The following AGO2 variants were observed in gnomAD, a reference collection of about 807,000 sequenced individuals.
The protein encoded by AGO2 is protein argonaute-2.
A neutral mutation model predicts 102.3 loss-of-function variants in AGO2; 5 were observed. The ratio of observed to expected loss-of-function variants is 0.05; its 90% CI spans 0.03 to 0.10. The LOEUF is 0.10. AGO2 is among the 10% of genes least tolerant of loss of function. AGO2 has a pLI of 1.00. For synonymous variants in AGO2, 449 were observed against 473.1 expected (o/e 0.95, Z 0.66); for missense variants, 541 against 1,183.7 (o/e 0.46, Z 7.97).
intron 1 of AGO2, among the ~76,000 whole-genome samples, chr8:140,600,965 A>C (rs938726): frequency 0.73 from 110,626 of 151,928 alleles, 41,360 homozygotes; most frequent in Non-Finnish European, 0.81. Flanking sequence ...ATTGTGTCTA[A>C]ATCTGTCCAC....
chr8:140,597,467 CCCCCCCA>C (rs1238733421), intron 1 of AGO2, among the ~76,000 whole-genome samples: 352 of 14,854 alleles, frequency 0.024, 18 homozygotes, highest in Middle Eastern at 0.13. Flanking sequence ...GGCTGGGTGG[CCCCCCCA>C]CCCCCCCCCC....
rs537868439 is a variant in AGO2 at position 140,634,566 on chromosome 8, A to C, written c.22+919T>G. 3.9e-5 allele frequency among the ~76,000 whole-genome samples: 6 copies of C among 152,340 alleles called. No homozygotes were observed. The South Asian group carries it at 1.2e-3, about 32-fold the overall frequency. ...GAACACCTGACCGTTTTTTTGGCCC[A>C]CCAAGGAGACCGCCTTCTACTCTGC... On this transcript the variant is annotated intron_variant, in intron 1 of 18. Transcript: ENST00000220592.
intron 7 of AGO2, among the ~76,000 whole-genome samples, chr8:140,558,044 G>A (rs1331452091): frequency 6.6e-6 from 1 of 152,196 alleles, no homozygotes; most frequent in East Asian, 1.9e-4. Flanking sequence ...AGAAACACCA[G>A]TACAACCCAG....
At chr8:140,534,679 T>TAGCAAATCCTCAAACTCTAGGG (rs1214424120) in intron 17 of AGO2, among the ~76,000 whole-genome samples, 1 of 152,228 alleles carries the variant, frequency 6.6e-6, no homozygotes, top group Non-Finnish European at 1.5e-5. Context: ...ACAAAGTTCA[T>TAGCAAATCCTCAAACTCTAGGG]AGCAAATCCT....
chr8:140,613,236 C>A (rs966855007), intron 1 of AGO2, among the ~76,000 whole-genome samples: 1 of 152,074 alleles, frequency 6.6e-6, no homozygotes, highest in Non-Finnish European at 1.5e-5. Flanking sequence ...AAAACCCCAA[C>A]ATATCCCTGT....
intron 3 of AGO2, chr8:140,572,244 A>C (rs1228943399): frequency 2.6e-5 from 4 of 152,244 alleles, no homozygotes; most frequent in African/African-American, 9.6e-5. Context: ...CGGGTTGACT[A>C]ATCACCATCA....
Position 140,533,398 on chromosome 8 carries a change from A to G in AGO2, c.2272-783T>C, listed in dbSNP as rs1010769884. Among the ~76,000 whole-genome samples, 350 of 151,832 alleles carry G rather than the reference A, an allele frequency of 2.3e-3. 4 individuals carry two copies. The highest frequency in any genetic ancestry group is 8.1e-3 in the African/African-American group (335 of 41,396). ...AGTGAGACTCCGTCTCCAAAAAAAA[A>G]AAAAAAAAAGATATAAAGCAATATT... is the stretch of plus-strand genomic sequence containing the variant. On this transcript the variant is annotated intron_variant, in intron 17 of 18. Transcript: ENST00000220592.
chr8:140,553,647 G>A (rs1208643449), intron 10 of AGO2, among the ~76,000 whole-genome samples: 9 of 152,000 alleles, frequency 5.9e-5, no homozygotes, highest in Admixed American at 5.9e-4. Flanking sequence ...GACCTCAGGT[G>A]ATCTGCCTGC....
chr8:140,609,876 C>G (rs764511414), intron 1 of AGO2, among the ~76,000 whole-genome samples: 10 of 151,758 alleles, frequency 6.6e-5, no homozygotes, highest in Non-Finnish European at 1.2e-4. Flanking sequence ...CACGGGGGCT[C>G]ACACCTGTAA....
chr8:140,608,296 G>A (rs1290101467), intron 1 of AGO2, among the ~76,000 whole-genome samples: 3 of 152,170 alleles, frequency 2.0e-5, no homozygotes, highest in African/African-American at 7.2e-5. Flanking sequence ...ACATCCCCAG[G>A]GCAGGCAGCA....
At chr8:140,558,079 A>G (rs1291069133) in intron 7 of AGO2, among the ~76,000 whole-genome samples, 1 of 151,710 alleles carries the variant, frequency 6.6e-6, no homozygotes, top group Non-Finnish European at 1.5e-5. Context: ...CTCACCCCCC[A>G]CTCCGGCCTG....
chr8:140,544,512 G>C (rs1450415201), intron 13 of AGO2, among the ~76,000 whole-genome samples: 1 of 152,226 alleles, frequency 6.6e-6, no homozygotes, highest in African/African-American at 2.4e-5. Flanking sequence ...CGGGTTGGGG[G>C]GCTTGGGTGG....
intron 4 of AGO2, 117 bp from the exon 5 acceptor site, chr8:140,560,627 T>A: frequency 8.1e-7 from 1 of 1,237,688 alleles, no homozygotes; most frequent in Non-Finnish European, 1.1e-6. Context: ...CCGTTTCCCC[T>A]CCTTTTAAAT....
At chr8:140,554,481 T>C (rs1051885160) in intron 10 of AGO2, among the ~76,000 whole-genome samples, 1 of 152,194 alleles carries the variant, frequency 6.6e-6, no homozygotes, top group African/African-American at 2.4e-5. Context: ...TAAGGAAATG[T>C]TAGCTAGAAA....
At chr8:140,560,556 C>CT (rs761574750) in intron 4 of AGO2, 46 bp from the exon 5 acceptor site, 5 of 1,584,458 alleles carry the variant, frequency 3.2e-6, no homozygotes, top group Middle Eastern at 1.7e-4. Flanking sequence ...ATGTGTCTTC[C>CT]GGAAGGAACA....
chr8:140,526,927 CA>C lies in AGO2; in HGVS notation c.*5116del, dbSNP rs2072516702. 6.6e-6 allele frequency: 1 copy of C among 152,214 alleles called. No homozygotes were observed. The highest frequency in any genetic ancestry group is 2.4e-5 in the African/African-American group (1 of 41,408). 9.4% of individuals were successfully genotyped at this position (152,214 alleles called of 1,614,324 possible). A position where few individuals can be genotyped will look rare whatever the true frequency, so the allele number is the denominator to read the frequency against. ...TGCTACTCCAGCAAAATAACGGGCA[CA>C]AATGACAGCTTTGACACGACAGTAA... On this transcript the variant is annotated 3_prime_UTR_variant, in exon 19 of 19. Transcript: ENST00000220592. The surrounding 1 kb of genome is among the most constrained non-coding windows in gnomAD (Gnocchi z 5.2).
intron 1 of AGO2, among the ~76,000 whole-genome samples, chr8:140,615,889 G>A (rs1479901849): frequency 6.6e-6 from 1 of 152,214 alleles, no homozygotes; most frequent in East Asian, 1.9e-4. Context: ...AGCAAACAAT[G>A]GGACCAAATA....
chr8:140,610,597 G>A (rs1341732436), intron 1 of AGO2, among the ~76,000 whole-genome samples: 3 of 152,218 alleles, frequency 2.0e-5, no homozygotes, highest in East Asian at 3.9e-4. Context: ...TCCGAAGACA[G>A]CGCTCCTGAA....
chr8:140,603,683 G>A lies in AGO2; in HGVS notation c.23-18372C>T, dbSNP rs560926830. Among the ~76,000 whole-genome samples the A allele has an allele frequency of 5.3e-5, 8 of 152,266 alleles. No homozygotes were observed. The East Asian group carries it at 9.6e-4, about 18-fold the overall frequency. ...CATGCTGTCCTTGAGGCTCATCCGC[G>A]CTGCAGCTGTGTCTGAGCTCCACTG... is the stretch of plus-strand genomic sequence containing the variant. On this transcript the variant is annotated intron_variant, in intron 1 of 18. Coordinates refer to ENST00000220592, the MANE Select transcript of AGO2 (RefSeq NM_012154.5).
Sources: allele counts gnomAD v4.1 joint callset (sites outside exome capture counted in the v4.1 genomes callset), GRCh38; gene constraint gnomAD v4.1.1; non-coding constraint Gnocchi (gnomAD v3.1); transcripts MANE v1.5; gene names NCBI Gene and HGNC (gene_info 2026-07-23, HGNC 2026-07-21).